The following CDH6 variants were observed in gnomAD, a reference collection of about 807,000 sequenced individuals.
CDH6 encodes cadherin-6.
Under a neutral mutation model 78.0 loss-of-function variants are expected in CDH6, and 31 were observed. The observed-to-expected ratio is 0.40, with a 90% CI of 0.30 to 0.54. The LOEUF is 0.54. CDH6 is among the 20% of genes least tolerant of loss of function. The pLI is 0.56. For synonymous variants in CDH6, 376 were observed against 368.8 expected (o/e 1.02, Z -0.23); for missense variants, 724 against 975.9 (o/e 0.74, Z 3.44).
At chr5:31,296,694 A>C (rs1737613504) in intron 3 of CDH6, among the ~76,000 whole-genome samples, 1 of 152,172 alleles carries the variant, frequency 6.6e-6, no homozygotes, top group Non-Finnish European at 1.5e-5. Flanking sequence ...ATAAGTATTT[A>C]TTTGTCACAT....
At chr5:31,246,270 A>G (rs1169824373) in intron 1 of CDH6, among the ~76,000 whole-genome samples, 1 of 152,134 alleles carries the variant, frequency 6.6e-6, no homozygotes, top group Non-Finnish European at 1.5e-5. Flanking sequence ...AGAGTGGCAC[A>G]TGCTTTACTG....
intron 1 of CDH6, among the ~76,000 whole-genome samples, chr5:31,230,665 AACTAACCTAT>A (rs1741288130): frequency 6.6e-6 from 1 of 152,146 alleles, no homozygotes; most frequent in African/African-American, 2.4e-5. Context: ...TTTTTTTAAA[AACTAACCTAT>A]GATTTAGAAA....
intron 2 of CDH6, 97 bp downstream of exon 2, chr5:31,267,798 T>G: frequency 1.1e-6 from 1 of 893,970 alleles, no homozygotes. Context: ...TTCCCCAATA[T>G]AGTAAGAATT....
Position 31,305,163 on chromosome 5 carries a change from C to T in CDH6, c.1000-11C>T. ...AAATATGTCACTTCTTCCCCCACCC[C>T]CAACCTCAAGCTCTTGGACTTTGAA... is the stretch of plus-strand genomic sequence containing the variant. On this transcript the variant is annotated splice_polypyrimidine_tract_variant and intron_variant, in intron 6 of 11. Coordinates refer to ENST00000265071, the MANE Select transcript of CDH6 (RefSeq NM_004932.4). 1 of 1,603,868 alleles carries T rather than the reference C, an allele frequency of 6.2e-7. No individual in the cohort carries two copies. Among genetic ancestry groups the T allele is most frequent in the Non-Finnish European group, 8.5e-7 (1 of 1,174,696 alleles).
chr5:31,276,321 A>G (rs1387820638), intron 2 of CDH6, among the ~76,000 whole-genome samples: 2 of 152,224 alleles, frequency 1.3e-5, no homozygotes, highest in Non-Finnish European at 2.9e-5. Flanking sequence ...GTGACCTGGA[A>G]TAAGAAGCAA....
At chr5:31,234,456 A>G (rs1179918983) in intron 1 of CDH6, among the ~76,000 whole-genome samples, 1 of 152,206 alleles carries the variant, frequency 6.6e-6, no homozygotes, top group Non-Finnish European at 1.5e-5. Context: ...GAAGGTATCC[A>G]CAGAGTAACT....
At chr5:31,302,891 GAAAGAAAGAAAA>G (rs1170102225) in intron 6 of CDH6, among the ~76,000 whole-genome samples, 6 of 99,296 alleles carry the variant, frequency 6.0e-5, no homozygotes, top group South Asian at 6.4e-4. Flanking sequence ...AGGAAGGAAA[GAAAGAAAGAAAA>G]AAAGAAAGAA....
At chr5:31,321,075 T>C (rs754288701) in intron 11 of CDH6, among the ~76,000 whole-genome samples, 1 of 152,150 alleles carries the variant, frequency 6.6e-6, no homozygotes, top group Non-Finnish European at 1.5e-5. Flanking sequence ...TGCTCTTTCA[T>C]GTTCATATTG....
At chr5:31,277,220 G>A (rs1229269151) in intron 2 of CDH6, among the ~76,000 whole-genome samples, 1 of 152,176 alleles carries the variant, frequency 6.6e-6, no homozygotes, top group Non-Finnish European at 1.5e-5. Flanking sequence ...GCAACTGGTA[G>A]ATTCCCCTCT....
intron 9 of CDH6, 81 bp from the exon 10 acceptor site, chr5:31,317,294 G>A: frequency 2.8e-6 from 2 of 719,472 alleles, no homozygotes; most frequent in South Asian, 3.4e-5. Context: ...AAATCATTTT[G>A]TCAAGCAATT....
chr5:31,221,778 G>C (rs1411588428), intron 1 of CDH6, among the ~76,000 whole-genome samples: 1 of 152,196 alleles, frequency 6.6e-6, no homozygotes, highest in East Asian at 1.9e-4. Context: ...GAAAGATGAT[G>C]TGATGTGGTA....
At chr5:31,277,643 C>G (rs1742737377) in intron 2 of CDH6, among the ~76,000 whole-genome samples, 1 of 152,154 alleles carries the variant, frequency 6.6e-6, no homozygotes, top group Non-Finnish European at 1.5e-5. Flanking sequence ...CCTACTCTTT[C>G]AATTAGCACT....
chr5:31,267,783 T>C (rs997137070), intron 2 of CDH6, 82 bp downstream of exon 2: 44 of 1,011,418 alleles, frequency 4.4e-5, no homozygotes, highest in Middle Eastern at 4.1e-4. Flanking sequence ...GGAGGATGTG[T>C]ACTATTCCCC....
intron 1 of CDH6, among the ~76,000 whole-genome samples, chr5:31,212,761 T>TGC (rs1247545426): frequency 8.3e-4 from 123 of 148,112 alleles, no homozygotes; most frequent in African/African-American, 2.9e-3. Context: ...CACATGAACG[T>TGC]GCACACACAC....
At chr5:31,301,056 GA>G (rs1375064982) in intron 5 of CDH6, among the ~76,000 whole-genome samples, 2 of 152,168 alleles carry the variant, frequency 1.3e-5, no homozygotes, top group African/African-American at 2.4e-5. Flanking sequence ...CCAGAAGTTT[GA>G]GGCTGCAGTG....
intron 7 of CDH6, among the ~76,000 whole-genome samples, chr5:31,308,898 T>G (rs2149955528): frequency 6.6e-6 from 1 of 152,232 alleles, no homozygotes; most frequent in East Asian, 1.9e-4. Context: ...CATCTTAAGC[T>G]TAGCATTTTC....
rs1738182081 is a variant in CDH6, at chr5:31,312,375, A to T, written c.1254-943A>T. 1.3e-5 allele frequency among the ~76,000 whole-genome samples: 2 copies of T among 152,320 alleles called. 1 individual carries two copies. Among genetic ancestry groups the T allele is most frequent in the South Asian group, 4.1e-4 (2 of 4,822 alleles). ...AATTCAACCAGTGATCTTTATTAAC[A>T]ATGATTTAGATTGTGGCATTCCCCT... On this transcript the variant is annotated intron_variant, in intron 7 of 11. Coordinates refer to ENST00000265071, the MANE Select transcript of CDH6 (RefSeq NM_004932.4).
In CDH6 at chr5:31,311,656, G is replaced by A. The variant is rs145575858; in HGVS notation, c.1254-1662G>A. Among the ~76,000 whole-genome samples the A allele has an allele frequency of 7.9e-5, 12 of 152,308 alleles. No individual in the cohort carries two copies. The East Asian group carries it at 1.5e-3, about 20-fold the overall frequency. ...TAATTGACTCACAGTTCTACAGGCTGTACAGGAAGCGTGGCTAGGAGGCTG... is the reference window on the plus strand; with the variant it reads ...TAATTGACTCACAGTTCTACAGGCTATACAGGAAGCGTGGCTAGGAGGCTG... On this transcript the variant is annotated intron_variant, in intron 7 of 11. Transcript: ENST00000265071.
chr5:31,322,760 A>G, intron 11 of CDH6, 58 bp from the exon 12 acceptor site: 1 of 1,551,122 alleles, frequency 6.4e-7, no homozygotes. Flanking sequence ...TCTTCCTGAC[A>G]TTAATTGGGC....
Sources: allele counts gnomAD v4.1 joint callset (sites outside exome capture counted in the v4.1 genomes callset), GRCh38; gene constraint gnomAD v4.1.1; transcripts MANE v1.5; gene names NCBI Gene and HGNC (gene_info 2026-07-23, HGNC 2026-07-21).